Variants in SLC5A10 observed in about 807,000 individuals in gnomAD.
SLC5A10 encodes solute carrier family 5 member 10, also known as sodium/mannose cotransporter SLC5A10.
A neutral mutation model predicts 68.9 loss-of-function variants in SLC5A10; 55 were observed. That is an observed-to-expected ratio of 0.80 (90% confidence interval 0.64 to 1.00). SLC5A10 has a LOEUF of 1.00. Among genes scored for constraint, SLC5A10 ranks in the 50% least tolerant of loss-of-function variants. The pLI is 0.00. For missense variants in SLC5A10, 732 were observed against 819.3 expected (o/e 0.89, Z 1.30); for synonymous variants, 344 against 344.8 (o/e 1.00, Z 0.02).
chr17:19,022,100 G>A lies in SLC5A10; in HGVS notation c.*1669G>A, dbSNP rs2044274386. ...GGAAGCTGAGCTGCGAGGGGTCCTG[G>A]GCTGAGAAGTCAAACTGGGCCTGGG... On this transcript the variant is annotated 3_prime_UTR_variant, in exon 15 of 15. Transcript: ENST00000395645. 3 of 1,573,572 alleles carry A rather than the reference G, an allele frequency of 1.9e-6. No homozygotes were observed. The highest frequency in any genetic ancestry group is 1.4e-5 in the African/African-American group (1 of 73,190).
At position 19,019,469 on chromosome 17, in the gene SLC5A10, G is replaced by C. The variant is rs780948937; in HGVS notation, c.1288G>C (p.Val430Leu). Residue 430 changes from valine (V) to leucine (L), a missense_variant, in exon 12 of 15, where the codon GTC becomes CTC. Transcript: ENST00000395645. ...CGGCGTGAGTGTGGCCTGGATCCCC[G>C]TCCTGCAGGACTCCAACAGCGGGCA... The part of the protein sequence containing the change: ...LIGVSVAWIP[V>L]LQDSNSGQLF... 1 of 1,612,012 alleles carries C rather than the reference G, an allele frequency of 6.2e-7. No individual in the cohort carries two copies. Among genetic ancestry groups the C allele is most frequent in the Non-Finnish European group, 8.5e-7 (1 of 1,179,934 alleles).
At chr17:18,987,633 C>T (rs552074712) in intron 9 of SLC5A10, among the ~76,000 whole-genome samples, 8 of 152,344 alleles carry the variant, frequency 5.3e-5, no homozygotes, top group South Asian at 2.1e-4. Flanking sequence ...CTGACCCCAT[C>T]GGCAGCCTTC....
chr17:18,975,699 G>GA (rs372950526), intron 8 of SLC5A10: 177 of 148,358 alleles, frequency 1.2e-3, no homozygotes, highest in Non-Finnish European at 2.1e-3. Context: ...CCATCTCAAA[G>GA]AAAAAAAAAA....
intron 1 of SLC5A10, among the ~76,000 whole-genome samples, chr17:18,956,468 T>G (rs890364958): frequency 2.6e-4 from 31 of 120,888 alleles, no homozygotes; most frequent in Non-Finnish European, 4.5e-4. Flanking sequence ...TCTTTCTGTT[T>G]TTTTTTTTTT....
chr17:18,966,459 T>C (rs2042710430), intron 5 of SLC5A10, among the ~76,000 whole-genome samples: 1 of 152,132 alleles, frequency 6.6e-6, no homozygotes, highest in Non-Finnish European at 1.5e-5. Flanking sequence ...ATCTGTGCCT[T>C]CTAGGAGTTG....
intron 5 of SLC5A10, among the ~76,000 whole-genome samples, chr17:18,964,940 C>T (rs920151820): frequency 6.6e-6 from 1 of 152,090 alleles, no homozygotes; most frequent in Non-Finnish European, 1.5e-5. Context: ...GTCAGGAGTT[C>T]GAGACCAGCC....
chr17:19,019,189 C>T, intron 11 of SLC5A10: 1 of 547,974 alleles, frequency 1.8e-6, no homozygotes, highest in South Asian at 2.5e-5. Context: ...AGGGAAGGAG[C>T]AGACAGCACT....
At position 19,015,277 on chromosome 17, in the gene SLC5A10, C is replaced by T. The variant is rs929344751; in HGVS notation, c.1241+78C>T. 4.4e-5 allele frequency: 46 copies of T among 1,046,390 alleles called. No individual in the cohort carries two copies. The African/African-American group carries it at 5.1e-4, about 12-fold the overall frequency. 64.8% of individuals were successfully genotyped at this position (1,046,390 alleles called of 1,614,324 possible). On this transcript the variant is annotated intron_variant, in intron 11 of 14. Transcript: ENST00000395645. ...CCCGCACTGACTTTGAGGGATGAGC[C>T]GGAGTTTGCCACTTAGAGAAAGGTG...
chr17:18,987,376 C>T (rs1411920532), intron 9 of SLC5A10, among the ~76,000 whole-genome samples: 2 of 152,236 alleles, frequency 1.3e-5, no homozygotes, highest in Non-Finnish European at 2.9e-5. Flanking sequence ...GTGCCTGTGA[C>T]AGGGCCTGGC....
At position 19,004,212 on chromosome 17, in the gene SLC5A10, G is replaced by A. The variant is rs1252145353; in HGVS notation, c.983-9198G>A. ...TGAGCCCGGCTCGGCGGGGAGGGCG[G>A]GCCGCGCGGGGAGGGGCGGCGGGGG... On this transcript the variant is annotated intron_variant, in intron 9 of 14. Transcript: ENST00000395645. This position sits in a 1 kb window ranked among gnomAD's most constrained non-coding sequence, Gnocchi z 5.4. 6 of 591,376 alleles carry A rather than the reference G, an allele frequency of 1.0e-5. No homozygotes were observed. Among genetic ancestry groups the A allele is most frequent in the Non-Finnish European group, 1.7e-5 (6 of 355,038 alleles). 36.6% of individuals were successfully genotyped at this position (591,376 alleles called of 1,614,324 possible). A position where few individuals can be genotyped will look rare whatever the true frequency, so the allele number is the denominator to read the frequency against.
At chr17:18,955,410 G>A (rs563685378) in intron 1 of SLC5A10, among the ~76,000 whole-genome samples, 4 of 152,292 alleles carry the variant, frequency 2.6e-5, no homozygotes, top group East Asian at 1.9e-4. Flanking sequence ...GAGCTGTTGC[G>A]AGGACTAAGA....
chr17:19,017,634 C>T lies in SLC5A10; in HGVS notation c.1242-1789C>T. 2.0e-6 allele frequency: 1 copy of T among 503,430 alleles called. No individual in the cohort carries two copies. 31.2% of individuals were successfully genotyped at this position (503,430 alleles called of 1,614,324 possible). On this transcript the variant is annotated intron_variant, in intron 11 of 14. Coordinates refer to ENST00000395645, the MANE Select transcript of SLC5A10 (RefSeq NM_001042450.4). The surrounding 1 kb of genome is among the most constrained non-coding windows in gnomAD (Gnocchi z 5.6). ...CCCCAAGCCCCCACACCTCAGTCCA[C>T]TGTTCCGCCACTGCCCCCCTGCCCC...
chr17:18,976,529 C>T (rs2042984479), intron 8 of SLC5A10: 1 of 331,368 alleles, frequency 3.0e-6, no homozygotes. Context: ...TGTCCCCATA[C>T]CACCCCACCC....
intron 7 of SLC5A10, 50 bp from the exon 8 acceptor site, chr17:18,970,963 C>T: frequency 6.3e-7 from 1 of 1,578,244 alleles, no homozygotes; most frequent in South Asian, 1.1e-5. Context: ...CCCAGGGAGT[C>T]AGGGCCCCGC....
At chr17:18,960,796 G>T in intron 5 of SLC5A10, 144 bp downstream of exon 5, 5 of 821,302 alleles carry the variant, frequency 6.1e-6, no homozygotes, top group South Asian at 3.2e-5. Context: ...GCAATGACTT[G>T]CCCAGGGTCA....
chr17:18,984,215 C>G (rs532658060), intron 9 of SLC5A10, among the ~76,000 whole-genome samples: 86 of 151,854 alleles, frequency 5.7e-4, no homozygotes, highest in African/African-American at 1.0e-3. Context: ...GGTGGCGGGC[C>G]CCTGTAGTCC....
Position 19,013,428 on chromosome 17 carries a change from T to C in SLC5A10, c.1001T>C (p.Val334Ala). Residue 334 changes from valine to alanine, a missense_variant, in exon 10 of 15, where the codon GTG (valine) becomes GCG (alanine). Coordinates refer to ENST00000395645, the MANE Select transcript of SLC5A10 (RefSeq NM_001042450.4). The stretch of plus-strand genomic sequence containing the variant: ...CGAACAGATGATGTGGGCTGCGTGG[T>C]GCCGTCCGAGTGCCTGCGGGCCTGC... Reference protein sequence around the residue: ...ALFPDDVGCVVPSECLRACGA... With the variant: ...ALFPDDVGCVAPSECLRACGA... 4 of 1,606,902 alleles carry C rather than the reference T, an allele frequency of 2.5e-6. No individual in the cohort carries two copies. The highest frequency in any genetic ancestry group is 2.5e-6 in the Non-Finnish European group (3 of 1,176,482).
chr17:18,992,036 C>A (rs912747286), intron 9 of SLC5A10, among the ~76,000 whole-genome samples: 5 of 152,122 alleles, frequency 3.3e-5, no homozygotes, highest in African/African-American at 1.2e-4. Flanking sequence ...CTCCAGTGAG[C>A]CAACAGCGAG....
chr17:19,017,190 G>A lies in SLC5A10; in HGVS notation c.1241+1991G>A. The stretch of plus-strand genomic sequence containing the variant: ...CAGGGCAGGTTGCTCACCCTCTCTG[G>A]GCCCCAGTTCTCTCAGCTGCCAGCT... On this transcript the variant is annotated intron_variant, in intron 11 of 14. Coordinates refer to ENST00000395645, the MANE Select transcript of SLC5A10 (RefSeq NM_001042450.4). The surrounding 1 kb of genome is among the most constrained non-coding windows in gnomAD (Gnocchi z 5.6). 8.6e-7 allele frequency: 1 copy of A among 1,168,716 alleles called. No homozygotes were observed. The highest frequency in any genetic ancestry group is 1.2e-6 in the Non-Finnish European group (1 of 811,506). The allele number at this position is 1,168,716 out of a possible 1,614,324, so 72.4% of individuals were successfully genotyped here. A position where few individuals can be genotyped will look rare whatever the true frequency, so the allele number is the denominator to read the frequency against.
Sources: gnomAD v4.1 joint callset for allele counts (sites outside exome capture counted in the v4.1 genomes callset) on GRCh38, gnomAD v4.1.1 for gene constraint, Gnocchi (gnomAD v3.1) non-coding constraint, MANE v1.5 for transcripts, NCBI Gene and HGNC (gene_info 2026-07-23, HGNC 2026-07-21) for gene names.